ZCCHC7: variants seen among roughly 807,000 people sequenced by gnomAD.
ZCCHC7 encodes the protein zinc finger CCHC domain-containing protein 7.
Under a neutral mutation model 52.0 loss-of-function variants are expected in ZCCHC7, and 35 were observed. That is an observed-to-expected ratio of 0.67 (90% CI 0.51 to 0.89). The LOEUF (loss-of-function observed/expected upper bound fraction) is 0.89, where lower values mean the gene tolerates loss of function less well. ZCCHC7 is among the 40% of genes least tolerant of loss of function. The pLI is 0.00. For missense variants in ZCCHC7, 574 were observed against 649.1 expected, an observed-to-expected ratio of 0.88 and a Z score of 1.26; for synonymous variants, 217 against 221.5, an observed-to-expected ratio of 0.98 and a Z score of 0.18.
chr9:37,212,804 G>A (rs1210420608), intron 2 of ZCCHC7, among the ~76,000 whole-genome samples: 1 of 152,158 alleles, frequency 6.6e-6, no homozygotes, highest in African/African-American at 2.4e-5. Context: ...CAATATATCA[G>A]TGTATACACC....
intron 2 of ZCCHC7, among the ~76,000 whole-genome samples, chr9:37,276,215 C>G (rs767830341): frequency 6.6e-6 from 1 of 152,162 alleles, no homozygotes. Flanking sequence ...GGAGTTTCTA[C>G]TTCTTTGGCT....
intron 2 of ZCCHC7, among the ~76,000 whole-genome samples, chr9:37,242,996 A>G (rs764424482): frequency 6.6e-6 from 1 of 151,864 alleles, no homozygotes. Context: ...ATACTTACCT[A>G]TGACATAAGA....
intron 2 of ZCCHC7, among the ~76,000 whole-genome samples, chr9:37,278,863 G>A (rs545571307): frequency 6.6e-6 from 1 of 152,152 alleles, no homozygotes; most frequent in Non-Finnish European, 1.5e-5. Context: ...AGGAATGAAT[G>A]CCACATGAAG....
At chr9:37,199,569 G>C (rs2133151228) in intron 2 of ZCCHC7, among the ~76,000 whole-genome samples, 1 of 151,812 alleles carries the variant, frequency 6.6e-6, no homozygotes, top group East Asian at 1.9e-4. Flanking sequence ...CTGACTTCAG[G>C]TGATCCACCT....
At chr9:37,124,927 C>CTGCA (rs1564127265) in intron 1 of ZCCHC7, among the ~76,000 whole-genome samples, 1 of 152,192 alleles carries the variant, frequency 6.6e-6, no homozygotes, top group Non-Finnish European at 1.5e-5. Context: ...TCTCGACTCA[C>CTGCA]TGCAGCCTGT....
chr9:37,352,690 T>C (rs1004929885), intron 7 of ZCCHC7, among the ~76,000 whole-genome samples: 8 of 151,252 alleles, frequency 5.3e-5, no homozygotes. Context: ...CTATTTTTTT[T>C]TTTTTTTGTA....
chr9:37,353,100 A>G (rs1821493740), intron 7 of ZCCHC7, among the ~76,000 whole-genome samples: 1 of 152,210 alleles, frequency 6.6e-6, no homozygotes. Context: ...CTAATAAACA[A>G]TGAGTGGAAA....
intron 2 of ZCCHC7, among the ~76,000 whole-genome samples, chr9:37,201,178 G>T (rs1265294958): frequency 6.6e-6 from 1 of 152,152 alleles, no homozygotes; most frequent in African/African-American, 2.4e-5. Context: ...AGATTTACTT[G>T]TTCAGGTCTT....
chr9:37,200,972 T>C (rs1480920177), intron 2 of ZCCHC7, among the ~76,000 whole-genome samples: 2 of 152,202 alleles, frequency 1.3e-5, no homozygotes, highest in African/African-American at 4.8e-5. Flanking sequence ...TAATTTTGAG[T>C]GTGAGGGAAG....
intron 2 of ZCCHC7, among the ~76,000 whole-genome samples, chr9:37,212,357 A>G (rs1267023307): frequency 1.3e-5 from 2 of 152,222 alleles, no homozygotes; most frequent in African/African-American, 4.8e-5. Context: ...TTGTACAGGC[A>G]TACTGATTTA....
intron 6 of ZCCHC7, among the ~76,000 whole-genome samples, chr9:37,341,065 G>A (rs1390151094): frequency 6.6e-6 from 1 of 151,804 alleles, no homozygotes; most frequent in Non-Finnish European, 1.5e-5. Context: ...AATAAAATAA[G>A]AAGTGTCAAC....
intron 2 of ZCCHC7, among the ~76,000 whole-genome samples, chr9:37,275,343 T>A (rs1827633524): frequency 6.6e-6 from 1 of 150,962 alleles, no homozygotes; most frequent in South Asian, 2.1e-4. Flanking sequence ...TTTTGAGCTT[T>A]ATATTCATGG....
intron 2 of ZCCHC7, among the ~76,000 whole-genome samples, chr9:37,151,737 G>A (rs1011865567): frequency 6.6e-5 from 10 of 152,078 alleles, no homozygotes; most frequent in South Asian, 6.2e-4. Context: ...CCTGGGAGGC[G>A]GAGGTTGCAG....
chr9:37,331,307 G>T (rs1475714138), intron 6 of ZCCHC7, among the ~76,000 whole-genome samples: 2 of 151,502 alleles, frequency 1.3e-5, no homozygotes, highest in Non-Finnish European at 3.0e-5. Context: ...GTTTGTCAGG[G>T]TATATCTTAT....
At chr9:37,133,745 C>T (rs7032446) in intron 2 of ZCCHC7, among the ~76,000 whole-genome samples, 2 of 152,142 alleles carry the variant, frequency 1.3e-5, no homozygotes, top group East Asian at 1.9e-4. Flanking sequence ...CGAGCCACCA[C>T]GCCCAGCTAA....
chr9:37,298,394 A>C (rs1044608505), intron 2 of ZCCHC7, among the ~76,000 whole-genome samples: 2 of 152,344 alleles, frequency 1.3e-5, no homozygotes, highest in East Asian at 1.9e-4. Context: ...TATCATCACC[A>C]GATGAATAGC....
chr9:37,169,917 A>G (rs182820182), intron 2 of ZCCHC7, among the ~76,000 whole-genome samples: 263 of 152,170 alleles, frequency 1.7e-3, no homozygotes, highest in African/African-American at 5.9e-3. Context: ...AATACAAAAG[A>G]TAGGGCTTGG....
At position 37,354,720 on chromosome 9, in the gene ZCCHC7, A is replaced by C. The variant is rs1054634967; in HGVS notation, c.1094A>C (p.Glu365Ala). The change falls in exon 8 of 9, where the codon GAA becomes GCA. Residue 365 changes from glutamate to alanine, a missense_variant. Physicochemically the swap from Glu to Ala is moderately radical, Grantham distance 107. Around this residue, in one of 3 missense-constraint regions of ZCCHC7, gnomAD observed 403 missense variants for 461.2 expected, o/e 0.87. Transcript: ENST00000336755. This position sits in a 1 kb window ranked among gnomAD's most constrained non-coding sequence, Gnocchi z 4.0. The part of the protein sequence containing the change: ...QKGHYGHECP[E>A]REVYDPSPVS... The stretch of plus-strand genomic sequence containing the variant: ...ACATACAATTTATAGGAATGTCCAG[A>C]AAGAGAAGTGTATGACCCGTCTCCA... 1.9e-6 allele frequency: 3 copies of C among 1,609,502 alleles called. No homozygotes were observed. The African/African-American group carries it at 4.0e-5, about 22-fold the overall frequency.
intron 6 of ZCCHC7, 77 bp from the exon 7 acceptor site, chr9:37,349,280 A>G (rs1821216349): frequency 6.9e-6 from 10 of 1,456,678 alleles, no homozygotes; most frequent in Non-Finnish European, 2.9e-6. Context: ...TCCCTTACCT[A>G]TAAAGCTCTT....
Sources: allele counts gnomAD v4.1 joint callset (sites outside exome capture counted in the v4.1 genomes callset), GRCh38; gene constraint gnomAD v4.1.1; regional missense constraint gnomAD v4.1.1; non-coding constraint Gnocchi (gnomAD v3.1); transcripts MANE v1.5; gene names NCBI Gene and HGNC (gene_info 2026-07-23, HGNC 2026-07-21).